The following SPANXN4 variants were observed in gnomAD, a reference collection of about 807,000 sequenced individuals.
SPANXN4 encodes the protein SPANX family member N4.
In SPANXN4, 5 loss-of-function variants were observed where a neutral mutation model predicts 6.0. The ratio of observed to expected loss-of-function variants is 0.83; its 90% CI spans 0.44 to 1.75. The LOEUF (loss-of-function observed/expected upper bound fraction) is 1.75. Among genes scored for constraint, SPANXN4 ranks in the 40% most tolerant of loss-of-function variants. The pLI is 0.02. For missense variants in SPANXN4, 157 were observed against 108.6 expected, an observed-to-expected ratio of 1.45 and a Z score of -1.98; for synonymous variants, 45 against 38.0, an observed-to-expected ratio of 1.19 and a Z score of -0.68.
downstream of SPANXN4, among the ~76,000 whole-genome samples, chrX:143,035,115 T>C (rs1388554968): frequency 2.5e-5 from 2 of 80,967 alleles, no homozygotes; most frequent in East Asian, 7.5e-4. Context: ...TAAAAGAAAA[T>C]ATCGTTTTTA....
Position 143,029,932 on chromosome X carries a change from G to A in SPANXN4, c.78+3840G>A, listed in dbSNP as rs753017908. On this transcript the variant is annotated intron_variant, in intron 1 of 2. Transcript: ENST00000370504. ...AGAGGTATGCAACGGCTTCTGGGGC[G>A]TCGCCGTATATTTGGCAGAGTAGTC... is the stretch of plus-strand genomic sequence containing the variant. Among the ~76,000 whole-genome samples the A allele has an allele frequency of 9.0e-5, 10 of 111,676 alleles. No individual in the cohort carries two copies. The East Asian group carries it at 2.0e-3, about 22-fold the overall frequency.
chrX:143,026,280 A>G (rs1385905648), intron 1 of SPANXN4, among the ~76,000 whole-genome samples, 188 bp downstream of exon 1: 3 of 111,732 alleles, frequency 2.7e-5, no homozygotes, highest in Admixed American at 1.9e-4. Flanking sequence ...TTTGGGCAGT[A>G]TGGCTGGCTG....
intron 2 of SPANXN4, 104 bp downstream of exon 2, chrX:143,034,415 G>A: frequency 9.2e-7 from 1 of 1,087,117 alleles, no homozygotes; most frequent in South Asian, 2.4e-5. Flanking sequence ...AGCATTGGCG[G>A]ACAGATCCAC....
chrX:143,029,875 C>T (rs938011442), intron 1 of SPANXN4, among the ~76,000 whole-genome samples: 1 of 110,705 alleles, frequency 9.0e-6, no homozygotes, highest in African/African-American at 3.3e-5. Context: ...GTCAGAGTGA[C>T]CAGCCTTGGA....
rs1932831630 is a variant in SPANXN4 at position 143,034,318 on chromosome X, T to C, written c.283+86T>C. ...AATCAGTTTGAGGAGCTGATGACTG[T>C]GTATACCTCTGCCTTTTTTTCTGAT... is the stretch of plus-strand genomic sequence containing the variant. On this transcript the variant is annotated intron_variant, in intron 2 of 2. Coordinates refer to ENST00000370504, the Ensembl canonical transcript of SPANXN4. 1.5e-5 allele frequency: 16 copies of C among 1,040,040 alleles called. No homozygotes were observed. In the South Asian group the frequency reaches 3.0e-4, roughly 20 times the overall value. 85.7% of individuals were successfully genotyped at this position (1,040,040 alleles called of 1,213,427 possible). A position where few individuals can be genotyped will look rare whatever the true frequency, so the allele number is the denominator to read the frequency against.
chrX:143,032,777 G>A (rs868181781), intron 1 of SPANXN4, among the ~76,000 whole-genome samples: 2 of 111,550 alleles, frequency 1.8e-5, no homozygotes, highest in Non-Finnish European at 1.9e-5. Flanking sequence ...ACCCCAGAGG[G>A]AAGCAAGTAC....
intron 1 of SPANXN4, among the ~76,000 whole-genome samples, chrX:143,032,312 G>A (rs1025915207): frequency 9.0e-6 from 1 of 111,386 alleles, no homozygotes; most frequent in African/African-American, 3.3e-5. Flanking sequence ...CAAGGGAAGG[G>A]CTTTGGAAGG....
downstream of SPANXN4, among the ~76,000 whole-genome samples, chrX:143,038,556 A>G (rs1039333544): frequency 2.7e-5 from 3 of 111,120 alleles, no homozygotes; most frequent in Non-Finnish European, 5.7e-5. Context: ...TCTCAAACAT[A>G]TTTTGCTTTC....
chrX:143,028,613 G>A (rs1214275424), intron 1 of SPANXN4, among the ~76,000 whole-genome samples: 1 of 110,971 alleles, frequency 9.0e-6, no homozygotes, highest in Non-Finnish European at 1.9e-5. Context: ...TAATATGAGT[G>A]AAGAGAATAG....
chrX:143,032,388 A>G (rs2124367770), intron 1 of SPANXN4, among the ~76,000 whole-genome samples: 1 of 109,652 alleles, frequency 9.1e-6, no homozygotes, highest in African/African-American at 3.3e-5. Flanking sequence ...TGTGGTGGAG[A>G]ACGAAGAGGG....
chrX:143,026,158 C>A, intron 1 of SPANXN4, 66 bp downstream of exon 1: 2 of 956,772 alleles, frequency 2.1e-6, no homozygotes, highest in South Asian at 2.2e-5. Context: ...GGGCGCGGGT[C>A]AAACAGCAAC....
intron 1 of SPANXN4, among the ~76,000 whole-genome samples, chrX:143,028,742 G>A (rs1194119661): frequency 9.0e-6 from 1 of 111,244 alleles, no homozygotes; most frequent in African/African-American, 3.3e-5. Flanking sequence ...GGGTGAAGCT[G>A]ATTTGTTAGT....
chrX:143,026,016 TG>T lies in SPANXN4; in HGVS notation c.4del (p.Glu2?). On this transcript the variant is annotated frameshift_variant and start_lost, in exon 1 of 3. Coordinates refer to ENST00000370504, the Ensembl canonical transcript of SPANXN4. LOFTEE classifies it high-confidence loss of function. ...GAAATTCTACAACCAACCATAATCATGGAAGAGCCAACTTCCAGCACCAACG... is the reference window on the plus strand; with the variant it reads ...GAAATTCTACAACCAACCATAATCATGAAGAGCCAACTTCCAGCACCAACG... 1 of 1,207,552 alleles carries T rather than the reference TG, an allele frequency of 8.3e-7. No homozygotes were observed. Among genetic ancestry groups the T allele is most frequent in the Admixed American group, 2.2e-5 (1 of 45,311 alleles).
intron 1 of SPANXN4, among the ~76,000 whole-genome samples, chrX:143,032,961 G>T (rs1310777044): frequency 8.9e-6 from 1 of 111,858 alleles, no homozygotes; most frequent in Non-Finnish European, 1.9e-5. Flanking sequence ...TGGCTGGAGT[G>T]GTGAGCGTTC....
downstream of SPANXN4, among the ~76,000 whole-genome samples, chrX:143,035,853 CT>C (rs1932841247): frequency 1.8e-5 from 2 of 108,293 alleles, no homozygotes; most frequent in African/African-American, 6.7e-5. Flanking sequence ...TTTAGTCCCC[CT>C]GTACATTAGA....
chrX:143,030,054 G>GTT (rs770282788), intron 1 of SPANXN4, among the ~76,000 whole-genome samples: 2 of 104,547 alleles, frequency 1.9e-5, no homozygotes, highest in African/African-American at 3.5e-5. Flanking sequence ...GCATTTTTTA[G>GTT]TTTGTTTTTT....
intron 1 of SPANXN4, among the ~76,000 whole-genome samples, chrX:143,033,069 G>T (rs894707724): frequency 9.0e-6 from 1 of 111,539 alleles, no homozygotes; most frequent in Admixed American, 9.5e-5. Flanking sequence ...CAGAAATAGA[G>T]AAAAATCTGG....
exon 3 of SPANXN4, chrX:143,034,544 C>A (rs768255893): frequency 9.1e-5 from 105 of 1,156,731 alleles, no homozygotes; most frequent in Non-Finnish European, 1.2e-4. Flanking sequence ...CCTTGGAGCA[C>A]GTGCATGTTT....
chrX:143,029,565 G>C (rs747906750), intron 1 of SPANXN4, among the ~76,000 whole-genome samples: 1 of 111,255 alleles, frequency 9.0e-6, no homozygotes, highest in African/African-American at 3.3e-5. Context: ...TTTGAAATAT[G>C]TTGGAAGCGG....
Sources: gnomAD v4.1 joint callset for allele counts (sites outside exome capture counted in the v4.1 genomes callset) on GRCh38, gnomAD v4.1.1 for gene constraint, MANE v1.5 for transcripts, NCBI Gene and HGNC (gene_info 2026-07-23, HGNC 2026-07-21) for gene names.